The following CHST15 variants were observed in gnomAD, a reference collection of about 807,000 sequenced individuals.
CHST15 encodes the protein B cell RAG associated protein (GALNAC4S-6ST).
A neutral mutation model predicts 53.6 loss-of-function variants in CHST15; 30 were observed. The ratio of observed to expected loss-of-function variants is 0.56; its 90% CI spans 0.42 to 0.76. CHST15 has a LOEUF of 0.76. Ranked by LOEUF, CHST15 falls within the 30% of genes least tolerant of loss-of-function variation. The pLI, the probability that CHST15 is intolerant of heterozygous loss-of-function variation, is 0.00. For synonymous variants in CHST15, 296 were observed against 289.8 expected, an observed-to-expected ratio of 1.02 and a Z score of -0.22; for missense variants, 627 against 740.5, an observed-to-expected ratio of 0.85 and a Z score of 1.78.
chr10:124,086,228 T>C (rs754939081), intron 1 of CHST15, among the ~76,000 whole-genome samples: 2 of 152,224 alleles, frequency 1.3e-5, no homozygotes, highest in Non-Finnish European at 2.9e-5. Context: ...TTTGACACAC[T>C]GTGGCCACTT....
chr10:124,051,234 A>G (rs1948183050), intron 1 of CHST15, among the ~76,000 whole-genome samples: 1 of 152,160 alleles, frequency 6.6e-6, no homozygotes, highest in Non-Finnish European at 1.5e-5. Context: ...ATGAGGCACC[A>G]CGCCTGGCCT....
In CHST15 at chr10:124,009,196, G is replaced by C; in HGVS notation, c.*953C>G. The C allele has an allele frequency of 8.6e-7, 1 of 1,162,874 alleles. No homozygotes were observed. Among genetic ancestry groups the C allele is most frequent in the South Asian group, 1.7e-5 (1 of 59,934 alleles). The allele number at this position is 1,162,874 out of a possible 1,614,324, so 72.0% of individuals were successfully genotyped here. The stretch of plus-strand genomic sequence containing the variant: ...TCTCTGATGATCTTGTAAACCTGAT[G>C]AGGGCTTGAATTACCTAGATTTTCC... On this transcript the variant is annotated 3_prime_UTR_variant, in exon 8 of 8. Transcript: ENST00000435907.
At chr10:124,057,481 G>A (rs1019625570) in intron 1 of CHST15, among the ~76,000 whole-genome samples, 2 of 152,148 alleles carry the variant, frequency 1.3e-5, no homozygotes, top group Admixed American at 6.5e-5. Flanking sequence ...AGACCGCAGC[G>A]TGTCCAGTCG....
chr10:124,049,538 G>C (rs1948120258), intron 1 of CHST15, among the ~76,000 whole-genome samples: 1 of 152,198 alleles, frequency 6.6e-6, no homozygotes, highest in Non-Finnish European at 1.5e-5. Flanking sequence ...AACCAATCAG[G>C]CCTTTGTAAT....
chr10:124,054,481 C>T (rs5026244), intron 1 of CHST15, among the ~76,000 whole-genome samples: 12 of 152,306 alleles, frequency 7.9e-5, no homozygotes, highest in Admixed American at 7.8e-4. Context: ...CAGGCATTTC[C>T]CCAAGATCAG....
At chr10:124,049,278 T>C (rs1291047594) in intron 1 of CHST15, among the ~76,000 whole-genome samples, 1 of 152,152 alleles carries the variant, frequency 6.6e-6, no homozygotes, top group Non-Finnish European at 1.5e-5. Flanking sequence ...GGTACACAGG[T>C]GCTAAAATCC....
intron 1 of CHST15, among the ~76,000 whole-genome samples, chr10:124,076,218 C>T (rs1312455051): frequency 6.6e-6 from 1 of 152,136 alleles, no homozygotes; most frequent in Non-Finnish European, 1.5e-5. Flanking sequence ...GAGGCTTATA[C>T]ACACACATAA....
At chr10:124,020,939 T>TAGA in intron 6 of CHST15, 6 of 1,389,116 alleles carry the variant, frequency 4.3e-6, no homozygotes, top group Admixed American at 6.7e-5. Flanking sequence ...GAGTTGGGTG[T>TAGA]CCTCATGTCT....
intron 1 of CHST15, among the ~76,000 whole-genome samples, chr10:124,075,378 G>T (rs934496644): frequency 6.6e-6 from 1 of 152,152 alleles, no homozygotes; most frequent in Non-Finnish European, 1.5e-5. Context: ...AGGTATAAAG[G>T]ATGGTTTCTT....
At chr10:124,062,718 C>T (rs572617622) in intron 1 of CHST15, among the ~76,000 whole-genome samples, 2 of 152,140 alleles carry the variant, frequency 1.3e-5, no homozygotes, top group South Asian at 4.2e-4. Flanking sequence ...AAGACCCAGC[C>T]GAGCCGGAAT....
chr10:124,010,185 G>T lies in CHST15; in HGVS notation c.1650C>A (p.Val550=), dbSNP rs778807948. ...TCCACGCAAACGCCTCATCCGCGAG[G>T]ACCTGCGCCAGCCTAGCGTTGAAGG... The part of the protein sequence containing the change: ...YRPFNARLAQ[V]LADEAFAWKT... Residue 550 remains valine, a synonymous_variant, in exon 8 of 8, where the codon GTC becomes GTA. Coordinates refer to ENST00000435907, the MANE Select transcript of CHST15 (RefSeq NM_001270764.2). 1 of 1,613,740 alleles carries T rather than the reference G, an allele frequency of 6.2e-7. No individual in the cohort carries two copies. The highest frequency in any genetic ancestry group is 1.1e-5 in the South Asian group (1 of 91,048).
rs118046193 is a variant in CHST15, at chr10:124,055,789, C to T, written c.-512-9065G>A. On this transcript the variant is annotated intron_variant, in intron 1 of 7. Coordinates refer to ENST00000435907, the MANE Select transcript of CHST15 (RefSeq NM_001270764.2). Reference sequence around the variant, plus strand: ...GCCAACTTTCCAGAAACGCACCCATCCCCAAAGATCCAGGGTAAACCAGCC... The same window carrying T: ...GCCAACTTTCCAGAAACGCACCCATTCCCAAAGATCCAGGGTAAACCAGCC... Among the ~76,000 whole-genome samples the T allele has an allele frequency of 9.9e-3, 1,502 of 152,294 alleles. 11 individuals carry two copies. Among genetic ancestry groups the T allele is most frequent in the South Asian group, 0.018 (89 of 4,826 alleles).
intron 4 of CHST15, among the ~76,000 whole-genome samples, chr10:124,041,148 G>A (rs901379256): frequency 6.6e-6 from 1 of 152,230 alleles, no homozygotes; most frequent in African/African-American, 2.4e-5. Flanking sequence ...AAAGAGTTAA[G>A]TCAGGACTTA....
chr10:124,007,958 A>G lies in CHST15; in HGVS notation c.*2191T>C. The stretch of plus-strand genomic sequence containing the variant: ...AAGAGCCGGGCCTCGAATGAGAGGA[A>G]GCAGAGGCAGCCGAAGTGCCCTCTG... On this transcript the variant is annotated 3_prime_UTR_variant, in exon 8 of 8. Transcript: ENST00000435907. The G allele has an allele frequency of 2.5e-6, 3 of 1,219,640 alleles. No individual in the cohort carries two copies. The East Asian group carries it at 9.7e-5, about 39-fold the overall frequency. 75.6% of individuals were successfully genotyped at this position (1,219,640 alleles called of 1,614,324 possible).
intron 3 of CHST15, among the ~76,000 whole-genome samples, chr10:124,043,064 C>T (rs1237196655): frequency 6.6e-6 from 1 of 152,158 alleles, no homozygotes. Context: ...TTAAATTCAC[C>T]CCCTGCCTGA....
intron 5 of CHST15, among the ~76,000 whole-genome samples, chr10:124,038,305 C>T (rs954895664): frequency 4.3e-4 from 66 of 152,034 alleles, no homozygotes; most frequent in African/African-American, 1.4e-3. Context: ...GGGGTTTCAC[C>T]ATGTTGGCCA....
Position 124,044,752 on chromosome 10 carries a change from GC to G in CHST15, c.713del (p.Gly238AlafsTer22). 6.2e-7 allele frequency: 1 copy of G among 1,612,990 alleles called. No homozygotes were observed. The highest frequency in any genetic ancestry group is 8.5e-7 in the Non-Finnish European group (1 of 1,179,556). ...GCTTCCCGTGCGCGTGCGCCAGGTG[GC>G]CCCAGAAGGCCTTGCGCAGGGCGTC... Reference protein sequence around the residue: ...TFDALRKAFWGHLAHAHGKHF... With the variant: ...TFDALRKAFWXHLAHAHGKHF... On this transcript the variant is annotated frameshift_variant, in exon 3 of 8. Coordinates refer to ENST00000435907, the MANE Select transcript of CHST15 (RefSeq NM_001270764.2). LOFTEE classifies it high-confidence loss of function.
At chr10:124,054,750 T>C (rs1948317437) in intron 1 of CHST15, among the ~76,000 whole-genome samples, 1 of 152,196 alleles carries the variant, frequency 6.6e-6, no homozygotes, top group Non-Finnish European at 1.5e-5. Flanking sequence ...CTCAGTCTCC[T>C]ACTGTGGATG....
chr10:124,070,025 C>CT (rs1487515407), intron 1 of CHST15, among the ~76,000 whole-genome samples: 1 of 152,166 alleles, frequency 6.6e-6, no homozygotes, highest in Non-Finnish European at 1.5e-5. Context: ...GATGTCCCCC[C>CT]CAGCACGTTG....
Sources: gnomAD v4.1 joint callset for allele counts (sites outside exome capture counted in the v4.1 genomes callset) on GRCh38, gnomAD v4.1.1 for gene constraint, MANE v1.5 for transcripts, NCBI Gene and HGNC (gene_info 2026-07-23, HGNC 2026-07-21) for gene names.